The following MGST2 variants were observed in gnomAD, a reference collection of about 807,000 sequenced individuals.
MGST2 encodes microsomal glutathione S-transferase 2.
In MGST2, 9 loss-of-function variants were observed where a neutral mutation model predicts 16.6. The ratio of observed to expected loss-of-function variants is 0.54; its 90% CI spans 0.33 to 0.95. The LOEUF is 0.95. Among genes scored for constraint, MGST2 ranks in the 40% least tolerant of loss-of-function variants. The pLI is 0.03. For synonymous variants in MGST2, 79 were observed against 68.0 expected, an observed-to-expected ratio of 1.16 and a Z score of -0.79; for missense variants, 159 against 175.1, an observed-to-expected ratio of 0.91 and a Z score of 0.52.
At chr4:139,709,272 A>G (rs889224126) in intron 5 of MGST2, among the ~76,000 whole-genome samples, 2 of 151,622 alleles carry the variant, frequency 1.3e-5, no homozygotes, top group Admixed American at 6.6e-5. Flanking sequence ...TTTAGTAGAG[A>G]CTGGGTTTCA....
At chr4:139,710,978 G>C (rs1727717497) in intron 5 of MGST2, among the ~76,000 whole-genome samples, 1 of 151,562 alleles carries the variant, frequency 6.6e-6, no homozygotes, top group African/African-American at 2.4e-5. Flanking sequence ...CAGAGAAGGG[G>C]AACAAGCCAA....
At chr4:139,690,425 A>G (rs530028168) in intron 2 of MGST2, among the ~76,000 whole-genome samples, 3 of 152,294 alleles carry the variant, frequency 2.0e-5, no homozygotes, top group Admixed American at 6.5e-5. Flanking sequence ...ACAGGTGTGA[A>G]CCAGCTTCCT....
At chr4:139,710,695 G>A (rs1337987108) in intron 5 of MGST2, among the ~76,000 whole-genome samples, 1 of 152,156 alleles carries the variant, frequency 6.6e-6, no homozygotes, top group African/African-American at 2.4e-5. Flanking sequence ...TAAGGGTAGC[G>A]ATGGCCTCTT....
intron 2 of MGST2, among the ~76,000 whole-genome samples, chr4:139,690,768 A>G (rs1385294857): frequency 6.6e-6 from 1 of 152,196 alleles, no homozygotes; most frequent in Non-Finnish European, 1.5e-5. Context: ...CAAATAACAT[A>G]AACTTTGTAG....
At chr4:139,705,364 A>T (rs1312876964), downstream of MGST2, among the ~76,000 whole-genome samples, 1 of 152,186 alleles carries the variant, frequency 6.6e-6, no homozygotes, top group African/African-American at 2.4e-5. Context: ...ATGTCCAGTT[A>T]TCTCTTTATG....
At chr4:139,702,844 G>GTTTTTTTTTTTTATTTTTTTTTTTTTT (rs1727328742) in intron 3 of MGST2, among the ~76,000 whole-genome samples, 1 of 46,424 alleles carries the variant, frequency 2.2e-5, no homozygotes, top group Non-Finnish European at 4.5e-5. Flanking sequence ...TGTGTTACTG[G>GTTTTTTTTTTTTATTTTTTTTTTTTTT]TTTTTTTTTT....
intron 5 of MGST2, chr4:139,730,936 T>C: frequency 2.0e-6 from 1 of 502,582 alleles, no homozygotes. Flanking sequence ...GACTGACTAT[T>C]GCATATAGAC....
the MGST2 span, among the ~76,000 whole-genome samples, chr4:139,747,098 G>A: frequency 6.6e-6 from 1 of 152,218 alleles, no homozygotes; most frequent in Non-Finnish European, 1.5e-5. Context: ...AAGCAAAGGG[G>A]TTGAGGATGG....
At chr4:139,681,699 A>G (rs932485609) in intron 2 of MGST2, among the ~76,000 whole-genome samples, 13 of 152,144 alleles carry the variant, frequency 8.5e-5, no homozygotes, top group African/African-American at 3.1e-4. Context: ...TCTTCCAAGT[A>G]TCTTTGTGTC....
At chr4:139,669,279 G>C (rs1459231917) in intron 1 of MGST2, among the ~76,000 whole-genome samples, 2 of 152,164 alleles carry the variant, frequency 1.3e-5, no homozygotes, top group Non-Finnish European at 2.9e-5. Context: ...GGGAGACAGA[G>C]AGAGGAAGAC....
At chr4:139,698,405 A>C in intron 3 of MGST2, 2 of 1,576,054 alleles carry the variant, frequency 1.3e-6, no homozygotes, top group Admixed American at 1.7e-5. Context: ...GTCTAATTTC[A>C]CGGAGCGCCA....
chr4:139,719,039 G>A (rs1728111121), intron 5 of MGST2: 6 of 392,794 alleles, frequency 1.5e-5, no homozygotes, highest in South Asian at 3.9e-5. Context: ...TGGGCAGAGG[G>A]GCTCTGGCCG....
At chr4:139,699,568 G>T (rs1316261763) in intron 3 of MGST2, among the ~76,000 whole-genome samples, 1 of 152,080 alleles carries the variant, frequency 6.6e-6, no homozygotes, top group Non-Finnish European at 1.5e-5. Context: ...TCTCCAAAAT[G>T]TTTTCCAATA....
At chr4:139,743,876 G>A (rs1340586913), downstream of MGST2, among the ~76,000 whole-genome samples, 1 of 152,162 alleles carries the variant, frequency 6.6e-6, no homozygotes, top group East Asian at 1.9e-4. Context: ...GGGTCTCTGA[G>A]TCCCCATTAA....
intron 5 of MGST2, among the ~76,000 whole-genome samples, chr4:139,716,140 G>A (rs929190523): frequency 6.6e-6 from 1 of 152,156 alleles, no homozygotes; most frequent in African/African-American, 2.4e-5. Context: ...TTATATCTGA[G>A]TTTGTTCAGA....
intron 3 of MGST2, chr4:139,698,046 A>G: frequency 2.8e-6 from 2 of 725,080 alleles, no homozygotes; most frequent in Middle Eastern, 3.9e-4. Context: ...TTTTGACCCC[A>G]TGGAAAAAAA....
chr4:139,722,073 CATTTTGGGGTATA>C (rs1013878888), intron 5 of MGST2, among the ~76,000 whole-genome samples: 2 of 152,144 alleles, frequency 1.3e-5, no homozygotes, highest in African/African-American at 4.8e-5. Flanking sequence ...ATAATTTGGC[CATTTTGGGGTATA>C]TTTATAATGG....
At chr4:139,723,163 C>A (rs1435838360) in intron 5 of MGST2, among the ~76,000 whole-genome samples, 1 of 152,194 alleles carries the variant, frequency 6.6e-6, no homozygotes, top group East Asian at 1.9e-4. Context: ...ACATCAGGAT[C>A]TGTTAAGTGG....
rs374800969 is a variant in MGST2 at position 139,730,305 on chromosome 4, C to T, written c.*49-9907C>T. Reference sequence around the variant, plus strand: ...CTTGTGATCCTGGGAAATGCTAGACCGTGAGCATCTTGATGGAGGATGTGA... The same window carrying T: ...CTTGTGATCCTGGGAAATGCTAGACTGTGAGCATCTTGATGGAGGATGTGA... On this transcript the variant is annotated intron_variant, in intron 5 of 5. Coordinates refer to the MGST2 transcript ENST00000616265. The T allele has an allele frequency of 1.3e-3, 1,215 of 933,476 alleles. 19 individuals are homozygous for T. In the South Asian group the frequency reaches 0.018, roughly 14 times the overall value. The allele number at this position is 933,476 out of a possible 1,614,324, so 57.8% of individuals were successfully genotyped here. A position where few individuals can be genotyped will look rare whatever the true frequency, so the allele number is the denominator to read the frequency against.
Sources: allele counts gnomAD v4.1 joint callset (sites outside exome capture counted in the v4.1 genomes callset), GRCh38; gene constraint gnomAD v4.1.1; transcripts MANE v1.5; gene names NCBI Gene and HGNC (gene_info 2026-07-23, HGNC 2026-07-21).